FSTL4: variants seen among roughly 807,000 people sequenced by gnomAD.
FSTL4 encodes follistatin like 4, also known as follistatin-related protein 4.
Under a neutral mutation model 78.2 loss-of-function variants are expected in FSTL4, and 28 were observed. The observed-to-expected ratio is 0.36, with a 90% CI of 0.27 to 0.49. The LOEUF (loss-of-function observed/expected upper bound fraction) is 0.49, where lower values mean the gene tolerates loss of function less well. Among genes scored for constraint, FSTL4 ranks in the 20% least tolerant of loss-of-function variants. The pLI is 0.98. For synonymous variants in FSTL4, 422 were observed against 440.5 expected (o/e 0.96, Z 0.53); for missense variants, 922 against 1,084.9 (o/e 0.85, Z 2.11).
intron 3 of FSTL4, among the ~76,000 whole-genome samples, chr5:133,527,223 C>T (rs1759148997): frequency 6.6e-6 from 1 of 152,204 alleles, no homozygotes; most frequent in Admixed American, 6.5e-5. Context: ...ACACCTTCCA[C>T]TTCTCTGCAA....
rs13161088 is a variant in FSTL4, at chr5:133,360,481, T to A, written c.409+40257A>T. Reference sequence around the variant, plus strand: ...TTTGTTTTCAGGCAATAATTTTTTTTTTTTTTTTTTTTTTGCAACAAGTCA... The same window carrying A: ...TTTGTTTTCAGGCAATAATTTTTTTATTTTTTTTTTTTTTGCAACAAGTCA... On this transcript the variant is annotated intron_variant, in intron 4 of 15. Transcript: ENST00000265342. 4.3e-5 allele frequency among the ~76,000 whole-genome samples: 5 copies of A among 117,392 alleles called. No individual in the cohort carries two copies. The East Asian group carries it at 1.2e-3, about 28-fold the overall frequency. 77.0% of individuals were successfully genotyped at this position (117,392 alleles called of 152,430 possible).
In FSTL4 at chr5:133,338,964, C is replaced by A. The variant is rs1258474053; in HGVS notation, c.410-22312G>T. On this transcript the variant is annotated intron_variant, in intron 4 of 15. Coordinates refer to ENST00000265342, the MANE Select transcript of FSTL4 (RefSeq NM_015082.2). The surrounding 1 kb of genome is among the most constrained non-coding windows in gnomAD (Gnocchi z 4.0). The stretch of plus-strand genomic sequence containing the variant: ...ACTATGCCTCCGATCATGTCCCCAC[C>A]AATCCTCCCCCACTCAGTAGCTGGA... Among the ~76,000 whole-genome samples, 1 of 152,148 alleles carries A rather than the reference C, an allele frequency of 6.6e-6. No homozygotes were observed. The highest frequency in any genetic ancestry group is 1.5e-5 in the Non-Finnish European group (1 of 68,030).
chr5:133,739,948 A>G, the FSTL4 span, among the ~76,000 whole-genome samples: 19 of 149,526 alleles, frequency 1.3e-4, no homozygotes, highest in Non-Finnish European at 2.4e-4. Context: ...ACAGGAGTGC[A>G]ATGGTACAAA....
At chr5:133,265,474 C>T (rs894917419) in intron 6 of FSTL4, among the ~76,000 whole-genome samples, 2 of 152,186 alleles carry the variant, frequency 1.3e-5, no homozygotes, top group African/African-American at 2.4e-5. Context: ...GGAGGTGACA[C>T]AGGTGTGGTG....
At chr5:133,778,024 T>C in the FSTL4 span, among the ~76,000 whole-genome samples, 33 of 152,244 alleles carry the variant, frequency 2.2e-4, no homozygotes, top group Non-Finnish European at 3.4e-4. Flanking sequence ...AAACTGGGGG[T>C]CTCAGCTTGT....
At chr5:133,331,336 T>C (rs1210675857) in intron 4 of FSTL4, among the ~76,000 whole-genome samples, 1 of 152,098 alleles carries the variant, frequency 6.6e-6, no homozygotes, top group African/African-American at 2.4e-5. Flanking sequence ...CTTCAGCTTC[T>C]GAGCCAAGCC....
intron 4 of FSTL4, among the ~76,000 whole-genome samples, chr5:133,364,598 G>A (rs979041773): frequency 3.3e-5 from 5 of 152,214 alleles, no homozygotes; most frequent in Non-Finnish European, 5.9e-5. Flanking sequence ...AATGAATCCT[G>A]AAGGAGATGG....
rs1561623880 is a variant in FSTL4 at position 133,217,386 on chromosome 5, GGA to G, written c.1459-10_1459-9del. ...TTGAGGACAGATTTCTTCCTGCAAA[GGA>G]GATAGGCTGTCATATATCTTCTTAA... On this transcript the variant is annotated splice_polypyrimidine_tract_variant and intron_variant, in intron 12 of 15. Transcript: ENST00000265342. 2 of 1,613,786 alleles carry G rather than the reference GGA, an allele frequency of 1.2e-6. No homozygotes were observed. Among genetic ancestry groups the G allele is most frequent in the South Asian group, 2.2e-5 (2 of 91,020 alleles).
chr5:133,210,066 C>T (rs556693516), intron 14 of FSTL4, 125 bp downstream of exon 14: 5 of 610,768 alleles, frequency 8.2e-6, no homozygotes, highest in Non-Finnish European at 1.5e-5. Flanking sequence ...TCTCCTTGAG[C>T]CTTTATGGAT....
chr5:133,418,001 A>G (rs1325333019), intron 3 of FSTL4, among the ~76,000 whole-genome samples: 1 of 147,438 alleles, frequency 6.8e-6, no homozygotes, highest in East Asian at 2.0e-4. Context: ...GGTTTCACTT[A>G]TGATCAGAAA....
At chr5:133,723,640 G>T in the FSTL4 span, among the ~76,000 whole-genome samples, 1 of 152,208 alleles carries the variant, frequency 6.6e-6, no homozygotes, top group Non-Finnish European at 1.5e-5. Flanking sequence ...TTCCAGGTAG[G>T]CAGGGGATTG....
intron 6 of FSTL4, among the ~76,000 whole-genome samples, chr5:133,276,457 A>C (rs550075659): frequency 6.6e-6 from 1 of 152,306 alleles, no homozygotes; most frequent in South Asian, 2.1e-4. Flanking sequence ...CTTATGGCAA[A>C]TTCTTGAAAA....
chr5:133,826,619 A>T, the FSTL4 span, among the ~76,000 whole-genome samples: 1 of 152,238 alleles, frequency 6.6e-6, no homozygotes, highest in Non-Finnish European at 1.5e-5. Flanking sequence ...TTCTCCTACA[A>T]GGACACTTGG....
chr5:133,822,829 T>G, the FSTL4 span, among the ~76,000 whole-genome samples: 1 of 152,070 alleles, frequency 6.6e-6, no homozygotes, highest in African/African-American at 2.4e-5. Context: ...GAGAATTACC[T>G]CCCAGAGGTA....
At chr5:133,710,183 C>T in the FSTL4 span, among the ~76,000 whole-genome samples, 1 of 152,182 alleles carries the variant, frequency 6.6e-6, no homozygotes, top group Non-Finnish European at 1.5e-5. Context: ...CCCCACAATG[C>T]CTATTCCTTG....
intron 13 of FSTL4, among the ~76,000 whole-genome samples, chr5:133,211,251 ACT>A (rs1750703233): frequency 1.3e-5 from 2 of 151,766 alleles, no homozygotes; most frequent in Non-Finnish European, 2.9e-5. Flanking sequence ...AAGCTCAAAA[ACT>A]CTGTTCTATA....
At chr5:133,708,628 C>T in the FSTL4 span, among the ~76,000 whole-genome samples, 1 of 152,240 alleles carries the variant, frequency 6.6e-6, no homozygotes, top group African/African-American at 2.4e-5. Flanking sequence ...GGGACAGTCA[C>T]AACCCCGGCC....
chr5:133,839,992 A>T, the FSTL4 span, among the ~76,000 whole-genome samples: 1 of 152,204 alleles, frequency 6.6e-6, no homozygotes, highest in East Asian at 1.9e-4. Flanking sequence ...TTCAATGCTA[A>T]AGGGCTGCAG....
intron 4 of FSTL4, among the ~76,000 whole-genome samples, chr5:133,323,140 T>C (rs925922368): frequency 6.6e-6 from 1 of 152,102 alleles, no homozygotes; most frequent in African/African-American, 2.4e-5. Flanking sequence ...TACCTGATAT[T>C]AACACTGCTA....
Sources: allele counts gnomAD v4.1 joint callset (sites outside exome capture counted in the v4.1 genomes callset), GRCh38; gene constraint gnomAD v4.1.1; non-coding constraint Gnocchi (gnomAD v3.1); transcripts MANE v1.5; gene names NCBI Gene and HGNC (gene_info 2026-07-23, HGNC 2026-07-21).